The following RTL1 variants were observed in gnomAD, a reference collection of about 807,000 sequenced individuals.
RTL1 encodes retrotransposon-like protein 1.
For missense variants in RTL1, 1,681 were observed against 1,767.5 expected (o/e 0.95, Z 0.88); for synonymous variants, 727 against 748.4 (o/e 0.97, Z 0.47).
Position 100,883,812 on chromosome 14 carries a change from A to G in RTL1, c.977T>C (p.Leu326Ser). Residue 326 changes from leucine (L) to serine (S), a missense_variant, in exon 4 of 4, where the codon TTG becomes TCG. Transcript: ENST00000649591. The surrounding 1 kb of genome is among the most constrained non-coding windows in gnomAD (Gnocchi z 5.9). ...GATCTCCTCGTTGAGCCCCTGGCAC[A>G]AGTGGGCCTGCAGGACTTCATCTGG... ...GWPDEVLQAHLCQGLNEEIRH... is the reference protein window; with the variant it reads ...GWPDEVLQAHSCQGLNEEIRH... 1.3e-6 allele frequency: 2 copies of G among 1,551,696 alleles called. No individual in the cohort carries two copies. The highest frequency in any genetic ancestry group is 1.7e-6 in the Non-Finnish European group (2 of 1,146,994).
chr14:100,900,233 T>C lies in RTL1; in HGVS notation c.-149+3058A>G, dbSNP rs148366167. Among the ~76,000 whole-genome samples the C allele has an allele frequency of 2.9e-3, 443 of 152,334 alleles. 1 individual carries two copies. The highest frequency in any genetic ancestry group is 9.2e-3 in the African/African-American group (381 of 41,574). The stretch of plus-strand genomic sequence containing the variant: ...GAGGTTCATAATTCCTGGAAAAACT[T>C]CTGGCCAAACCTGACTTCTCCTAAA... On this transcript the variant is annotated intron_variant, in intron 2 of 3. Transcript: ENST00000649591.
chr14:100,897,937 A>G (rs755339449), intron 2 of RTL1: 1 of 516,514 alleles, frequency 1.9e-6, no homozygotes, highest in Non-Finnish European at 3.9e-6. Context: ...ATGATGAGAC[A>G]GTGTTTATGA....
Position 100,884,670 on chromosome 14 carries a change from C to A in RTL1, c.119G>T (p.Gly40Val). Reference protein sequence around the residue: ...SNTTEATSGSGVRGEAGPASG... With the variant: ...SNTTEATSGSVVRGEAGPASG... ...GGCTGGCCCTGCCTCTCCCCGCACTCCACTGCCCGACGTCGCCTCGGTGGT... is the reference window on the plus strand; with the variant it reads ...GGCTGGCCCTGCCTCTCCCCGCACTACACTGCCCGACGTCGCCTCGGTGGT... The change falls in exon 4 of 4, where the codon GGA becomes GTA. Residue 40 changes from glycine to valine, a missense_variant. By Grantham distance (109) the Gly-to-Val change is moderately radical. Coordinates refer to ENST00000649591, the MANE Select transcript of RTL1 (RefSeq NM_001134888.3). The A allele has an allele frequency of 6.2e-7, 1 of 1,613,750 alleles. No homozygotes were observed. Among genetic ancestry groups the A allele is most frequent in the Non-Finnish European group, 8.5e-7 (1 of 1,179,990 alleles).
intron 3 of RTL1, among the ~76,000 whole-genome samples, chr14:100,892,812 A>G (rs1334923852): frequency 6.6e-6 from 1 of 152,104 alleles, no homozygotes; most frequent in Non-Finnish European, 1.5e-5. Context: ...CATTCAAATG[A>G]GTCTCTGAGT....
At chr14:100,894,171 G>A (rs908435764) in intron 2 of RTL1, among the ~76,000 whole-genome samples, 6 of 151,958 alleles carry the variant, frequency 3.9e-5, no homozygotes, top group Non-Finnish European at 8.8e-5. Context: ...TTAGCTGGGT[G>A]TGGTGGCGTG....
chr14:100,888,488 A>T (rs1003011699), intron 3 of RTL1, among the ~76,000 whole-genome samples: 1 of 152,244 alleles, frequency 6.6e-6, no homozygotes, highest in Non-Finnish European at 1.5e-5. Flanking sequence ...AGTTATTAAC[A>T]TGATATAAAA....
Position 100,882,227 on chromosome 14 carries a change from C to T in RTL1, c.2562G>A (p.Glu854=). The T allele has an allele frequency of 6.4e-7, 1 of 1,551,174 alleles. No homozygotes were observed. The highest frequency in any genetic ancestry group is 8.7e-7 in the Non-Finnish European group (1 of 1,146,990). ...YWGVEEQEAF[E]CLKRAFRKAP... ...CCTTGCGGAAAGCCCTCTTCAGGCA[C>T]TCGAAGGCCTCTTGCTCCTCGACTC... Residue 854 remains glutamate, a synonymous_variant, in exon 4 of 4, where the codon GAG becomes GAA. Coordinates refer to ENST00000649591, the MANE Select transcript of RTL1 (RefSeq NM_001134888.3).
At position 100,883,676 on chromosome 14, in the gene RTL1, G is replaced by A. The variant is rs1378192222; in HGVS notation, c.1113C>T (p.Pro371=). 2 of 1,551,596 alleles carry A rather than the reference G, an allele frequency of 1.3e-6. No homozygotes were observed. Among genetic ancestry groups the A allele is most frequent in the Non-Finnish European group, 1.7e-6 (2 of 1,146,986 alleles). The part of the protein sequence containing the change: ...LAERRAMLRL[P]PEARPRNLTW... ...TCAGGTTCCGGGGGCGGGCCTCGGG[G>A]GGCAGCCTGAGCATAGCTCTTCTCT... is the stretch of plus-strand genomic sequence containing the variant. Residue 371 remains proline, a synonymous_variant, in exon 4 of 4, where the codon CCC becomes CCT. Coordinates refer to ENST00000649591, the MANE Select transcript of RTL1 (RefSeq NM_001134888.3). This position sits in a 1 kb window ranked among gnomAD's most constrained non-coding sequence, Gnocchi z 5.9.
chr14:100,902,750 A>G (rs1288707678), intron 2 of RTL1, among the ~76,000 whole-genome samples: 1 of 152,260 alleles, frequency 6.6e-6, no homozygotes, highest in Non-Finnish European at 1.5e-5. Flanking sequence ...CCCCTGTGAA[A>G]TGGAGATGAG....
rs917010435 is a variant in RTL1 at position 100,886,585 on chromosome 14, AATC to A, written c.-86-1714_-86-1712del. ...ATCAGCATGGTATAGGAATTATAAG[AATC>A]ATCATCATCATCATCATGATGTACA... On this transcript the variant is annotated intron_variant, in intron 3 of 3. Coordinates refer to ENST00000649591, the MANE Select transcript of RTL1 (RefSeq NM_001134888.3). 2.3e-3 allele frequency among the ~76,000 whole-genome samples: 356 copies of A among 152,094 alleles called. 3 individuals carry two copies. The highest frequency in any genetic ancestry group is 8.3e-3 in the African/African-American group (345 of 41,542).
chr14:100,890,468 A>G (rs1021912738), intron 3 of RTL1, among the ~76,000 whole-genome samples: 2 of 142,968 alleles, frequency 1.4e-5, no homozygotes, highest in African/African-American at 5.2e-5. Flanking sequence ...GGGGTGGGGG[A>G]ATTAGGGGAG....
Position 100,882,628 on chromosome 14 carries a change from T to TA in RTL1, c.2160_2161insT (p.Lys721Ter). On this transcript the variant is annotated frameshift_variant, in exon 4 of 4. Transcript: ENST00000649591. LOFTEE classifies it low-confidence loss of function (END_TRUNC). ...AGCACAAAGAACCCTAGCATGTCCT[T>TA]TAGGATGAAGTGAATCACGTTCTGA... is the stretch of plus-strand genomic sequence containing the variant. 6.4e-7 allele frequency: 1 copy of TA among 1,551,766 alleles called. No individual in the cohort carries two copies. Among genetic ancestry groups the TA allele is most frequent in the Non-Finnish European group, 8.7e-7 (1 of 1,147,026 alleles).
chr14:100,895,750 T>C (rs1266679984), intron 2 of RTL1, among the ~76,000 whole-genome samples: 2 of 152,184 alleles, frequency 1.3e-5, no homozygotes, highest in South Asian at 2.1e-4. Flanking sequence ...AACCTCAGTC[T>C]GGGCACTGCA....
intron 3 of RTL1, among the ~76,000 whole-genome samples, chr14:100,888,686 A>T (rs1411012373): frequency 1.3e-5 from 2 of 152,172 alleles, no homozygotes; most frequent in Non-Finnish European, 2.9e-5. Context: ...AAACGCAAAA[A>T]ACTCACCAGG....
rs1484510513 is a variant in RTL1 at position 100,883,660 on chromosome 14, G to C, written c.1129C>G (p.Arg377Gly). The C allele has an allele frequency of 1.3e-6, 2 of 1,551,524 alleles. No homozygotes were observed. Among genetic ancestry groups the C allele is most frequent in the South Asian group, 1.2e-5 (1 of 84,058 alleles). Residue 377 changes from arginine (R) to glycine (G), a missense_variant, in exon 4 of 4, where the codon CGG becomes GGG. Arg to Gly is a moderately radical substitution (Grantham distance 125, BLOSUM62 -2). Transcript: ENST00000649591. The surrounding 1 kb of genome is among the most constrained non-coding windows in gnomAD (Gnocchi z 5.9). The stretch of plus-strand genomic sequence containing the variant: ...GGTGAGTCGATCCAGGTCAGGTTCC[G>C]GGGGCGGGCCTCGGGGGGCAGCCTG... ...MLRLPPEARP[R>G]NLTWIDSPAP...
chr14:100,883,454 C>T lies in RTL1; in HGVS notation c.1335G>A (p.Glu445=). The part of the protein sequence containing the change: ...GNFMDEKFAQ[E]HYVELYEKPY... Reference sequence around the variant, plus strand: ...GCTTCTCGTAGAGCTCGACGTAGTGCTCTTGGGCGAACTTCTCATCCATGA... The same window carrying T: ...GCTTCTCGTAGAGCTCGACGTAGTGTTCTTGGGCGAACTTCTCATCCATGA... Residue 445 remains glutamate, a synonymous_variant, in exon 4 of 4, where the codon GAG becomes GAA. Transcript: ENST00000649591. This position sits in a 1 kb window ranked among gnomAD's most constrained non-coding sequence, Gnocchi z 5.9. 1 of 1,551,152 alleles carries T rather than the reference C, an allele frequency of 6.4e-7. No individual in the cohort carries two copies. Among genetic ancestry groups the T allele is most frequent in the African/African-American group, 1.4e-5 (1 of 73,156 alleles).
chr14:100,895,901 C>T (rs1283545172), intron 2 of RTL1, among the ~76,000 whole-genome samples: 1 of 151,998 alleles, frequency 6.6e-6, no homozygotes, highest in Non-Finnish European at 1.5e-5. Flanking sequence ...GGTGAAACCC[C>T]GTCTCTACAA....
Position 100,882,173 on chromosome 14 carries a change from C to T in RTL1, c.2616G>A (p.Gln872=). The T allele has an allele frequency of 6.4e-7, 1 of 1,550,534 alleles. No individual in the cohort carries two copies. The highest frequency in any genetic ancestry group is 8.7e-7 in the Non-Finnish European group (1 of 1,146,988). The change falls in exon 4 of 4, where the codon CAG becomes CAA. Residue 872 remains glutamine, a synonymous_variant. Transcript: ENST00000649591. Reference sequence around the variant, plus strand: ...CGCCGGTTTCCAAGTAGAATGGGTTCTGGGGCTTGGGGTGGTGGAGGAGAG... The same window carrying T: ...CGCCGGTTTCCAAGTAGAATGGGTTTTGGGGCTTGGGGTGGTGGAGGAGAG... ...KAPLLHHPKP[Q]NPFYLETGVT... is the part of the protein sequence containing the mutation.
In RTL1 at chr14:100,893,683, T is replaced by A. The variant is rs2038813131; in HGVS notation, c.-148-178A>T. ...GTGGCTACGTTGGGGACCTCCGTGA[T>A]GCTTCCTGAGTGCTTACTATGCGCC... On this transcript the variant is annotated intron_variant, in intron 2 of 3. Coordinates refer to ENST00000649591, the MANE Select transcript of RTL1 (RefSeq NM_001134888.3). The surrounding 1 kb of genome is among the most constrained non-coding windows in gnomAD (Gnocchi z 4.2). Among the ~76,000 whole-genome samples, 1 of 152,244 alleles carries A rather than the reference T, an allele frequency of 6.6e-6. No individual in the cohort carries two copies. The highest frequency in any genetic ancestry group is 1.5e-5 in the Non-Finnish European group (1 of 68,032).
Sources: allele counts gnomAD v4.1 joint callset (sites outside exome capture counted in the v4.1 genomes callset), GRCh38; gene constraint gnomAD v4.1.1; non-coding constraint Gnocchi (gnomAD v3.1); transcripts MANE v1.5; gene names NCBI Gene and HGNC (gene_info 2026-07-23, HGNC 2026-07-21).